The following EYS variants were observed in gnomAD, a reference collection of about 807,000 sequenced individuals.
The protein encoded by EYS is EGF-like photoreceptor maintenance factor.
In EYS, 250 loss-of-function variants were observed where a neutral mutation model predicts 282.1. The ratio of observed to expected loss-of-function variants is 0.89; its 90% CI spans 0.80 to 0.98. EYS has a LOEUF of 0.98. EYS is among the 50% of genes least tolerant of loss of function. The pLI, the probability that EYS is intolerant of heterozygous loss-of-function variation, is 0.00. For missense variants in EYS, 4,016 were observed against 3,709.0 expected, an observed-to-expected ratio of 1.08 and a Z score of -2.15; for synonymous variants, 1,355 against 1,282.9, an observed-to-expected ratio of 1.06 and a Z score of -1.20.
intron 12 of EYS, among the ~76,000 whole-genome samples, chr6:65,063,530 A>T (rs955420543): frequency 6.6e-6 from 1 of 152,066 alleles, no homozygotes; most frequent in Admixed American, 6.6e-5. Context: ...AAGTCAGAGC[A>T]GTAGCTCTTT....
intron 35 of EYS, among the ~76,000 whole-genome samples, chr6:63,866,439 C>T (rs1772672914): frequency 6.6e-6 from 1 of 152,158 alleles, no homozygotes; most frequent in Non-Finnish European, 1.5e-5. Context: ...GAGAATGCCT[C>T]ATATGTGAAA....
In EYS at chr6:64,835,771, T is replaced by C. The variant is rs902688702; in HGVS notation, c.2993-12949A>G. Reference sequence around the variant, plus strand: ...ATTTGAATCAACTGTGTACATATTATAACAAATTTAAACTTTATTCTATAA... The same window carrying C: ...ATTTGAATCAACTGTGTACATATTACAACAAATTTAAACTTTATTCTATAA... On this transcript the variant is annotated intron_variant, in intron 19 of 42. Coordinates refer to ENST00000503581, the MANE Select transcript of EYS (RefSeq NM_001142800.2). Among the ~76,000 whole-genome samples the C allele has an allele frequency of 1.7e-3, 259 of 151,770 alleles. 2 individuals carry two copies. The highest frequency in any genetic ancestry group is 6.6e-3 in the Admixed American group (100 of 15,184).
chr6:64,330,920 C>G (rs1770623314), intron 29 of EYS, among the ~76,000 whole-genome samples: 1 of 152,186 alleles, frequency 6.6e-6, no homozygotes, highest in Non-Finnish European at 1.5e-5. Context: ...CAGGGTATCA[C>G]TGTTGTGTGG....
At chr6:64,068,332 AT>A in intron 32 of EYS, among the ~76,000 whole-genome samples, 1 of 152,192 alleles carries the variant, frequency 6.6e-6, no homozygotes, top group African/African-American at 2.4e-5. Context: ...TTCTTATTGA[AT>A]ACAAGCTCTT....
intron 30 of EYS, among the ~76,000 whole-genome samples, chr6:64,236,108 C>CA (rs1467197634): frequency 6.6e-6 from 1 of 152,130 alleles, no homozygotes; most frequent in Non-Finnish European, 1.5e-5. Context: ...AGCAGCACAT[C>CA]AAAAAGCTTA....
chr6:63,829,104 G>A (rs1261329662), intron 36 of EYS, among the ~76,000 whole-genome samples: 1 of 152,118 alleles, frequency 6.6e-6, no homozygotes, highest in Non-Finnish European at 1.5e-5. Context: ...ACAATGAGTG[G>A]CGGAGGTTCC....
intron 33 of EYS, among the ~76,000 whole-genome samples, chr6:64,014,644 T>C (rs536157239): frequency 6.6e-6 from 1 of 152,302 alleles, no homozygotes; most frequent in South Asian, 2.1e-4. Flanking sequence ...AATATACTTA[T>C]CACTCTAAGT....
At chr6:65,233,257 T>C (rs1325775839) in intron 12 of EYS, among the ~76,000 whole-genome samples, 1 of 152,126 alleles carries the variant, frequency 6.6e-6, no homozygotes, top group Non-Finnish European at 1.5e-5. Flanking sequence ...TATATTTCTG[T>C]TGCAAGTGGG....
chr6:65,403,779 A>T (rs2150364580), intron 6 of EYS, among the ~76,000 whole-genome samples: 1 of 152,190 alleles, frequency 6.6e-6, no homozygotes, highest in South Asian at 2.1e-4. Flanking sequence ...TTAAGCATAC[A>T]TCCACTAAAA....
At chr6:65,287,055 C>A (rs1768387394) in intron 12 of EYS, among the ~76,000 whole-genome samples, 1 of 151,312 alleles carries the variant, frequency 6.6e-6, no homozygotes, top group Admixed American at 6.6e-5. Flanking sequence ...GCTCAAGATC[C>A]TTTCAGTATT....
chr6:63,803,991 G>A (rs1000920791), intron 37 of EYS, among the ~76,000 whole-genome samples: 8 of 152,018 alleles, frequency 5.3e-5, no homozygotes, highest in Non-Finnish European at 1.0e-4. Flanking sequence ...ATACACTACC[G>A]TGTTTATTGA....
chr6:65,632,416 G>A (rs1427424881), intron 2 of EYS, among the ~76,000 whole-genome samples: 1 of 152,062 alleles, frequency 6.6e-6, no homozygotes, highest in African/African-American at 2.4e-5. Context: ...ACTAGACAAC[G>A]TATGCATGTA....
At chr6:63,845,070 C>G (rs1050537814) in intron 36 of EYS, among the ~76,000 whole-genome samples, 2 of 152,088 alleles carry the variant, frequency 1.3e-5, no homozygotes, top group Admixed American at 6.6e-5. Flanking sequence ...TTTCAGTTTT[C>G]TGCATTTGGG....
chr6:64,944,364 A>G (rs889438146), intron 15 of EYS, among the ~76,000 whole-genome samples: 3 of 152,142 alleles, frequency 2.0e-5, no homozygotes, highest in Non-Finnish European at 2.9e-5. Flanking sequence ...CCAAAAATTG[A>G]CAAGTAAGAT....
rs567669154 is a variant in EYS at position 65,579,898 on chromosome 6, C to G, written c.-333+59880G>C. On this transcript the variant is annotated intron_variant, in intron 2 of 42. Coordinates refer to ENST00000503581, the MANE Select transcript of EYS (RefSeq NM_001142800.2). The stretch of plus-strand genomic sequence containing the variant: ...AGGGAAGGAGACGTTTCTCACTCTA[C>G]TCTTTTGTAATTTCCATCTTTTAAA... Among the ~76,000 whole-genome samples, 31 of 152,152 alleles carry G rather than the reference C, an allele frequency of 2.0e-4. 1 individual carries two copies. The highest frequency in any genetic ancestry group is 1.7e-3 in the Admixed American group (26 of 15,248).
At chr6:65,514,493 G>A (rs140558945) in intron 2 of EYS, among the ~76,000 whole-genome samples, 15,889 of 152,122 alleles carry the variant, frequency 0.1, 1,209 homozygotes, top group African/African-American at 0.19. Flanking sequence ...TCAATCCTAA[G>A]CCAAAAGAAC....
intron 35 of EYS, among the ~76,000 whole-genome samples, chr6:63,912,913 C>A (rs770086247): frequency 7.2e-5 from 11 of 152,160 alleles, no homozygotes; most frequent in South Asian, 2.1e-4. Context: ...ATTAGACAAA[C>A]CTCTTTTCTT....
chr6:64,842,381 T>C (rs1462544626), intron 19 of EYS, among the ~76,000 whole-genome samples: 2 of 151,866 alleles, frequency 1.3e-5, no homozygotes, highest in South Asian at 2.1e-4. Context: ...TCATCTTGAA[T>C]TGTACTCCCA....
intron 31 of EYS, among the ~76,000 whole-genome samples, chr6:64,098,421 C>A (rs1184570359): frequency 6.6e-6 from 1 of 151,968 alleles, no homozygotes; most frequent in Non-Finnish European, 1.5e-5. Flanking sequence ...AACAATACTG[C>A]ATTTGTTATT....
Sources: allele counts gnomAD v4.1 joint callset (sites outside exome capture counted in the v4.1 genomes callset), GRCh38; gene constraint gnomAD v4.1.1; transcripts MANE v1.5; gene names NCBI Gene and HGNC (gene_info 2026-07-23, HGNC 2026-07-21).